Variants in CRACDL observed in about 807,000 individuals in gnomAD.
CRACDL encodes the protein CRACD-like protein.
In CRACDL, 26 loss-of-function variants were observed where a neutral mutation model predicts 70.6. That is an observed-to-expected ratio of 0.37 (90% CI 0.27 to 0.51). CRACDL has a LOEUF of 0.51. Ranked by LOEUF, CRACDL falls within the 20% of genes least tolerant of loss-of-function variation. The pLI, the probability that CRACDL is intolerant of heterozygous loss-of-function variation, is 0.94. For synonymous variants in CRACDL, 618 were observed against 615.2 expected (o/e 1.00, Z -0.07); for missense variants, 1,283 against 1,376.9 (o/e 0.93, Z 1.08).
chr2:98,904,973 G>C (rs986925866), intron 1 of CRACDL, among the ~76,000 whole-genome samples: 1 of 151,222 alleles, frequency 6.6e-6, no homozygotes, highest in Admixed American at 6.6e-5. Flanking sequence ...GGGCCCGGCC[G>C]GGCGCGGTGG....
chr2:98,917,979 C>T (rs1708706686), intron 1 of CRACDL, among the ~76,000 whole-genome samples: 1 of 152,126 alleles, frequency 6.6e-6, no homozygotes, highest in Non-Finnish European at 1.5e-5. Context: ...GAATAGTATT[C>T]CACTGTGTAT....
intron 1 of CRACDL, chr2:98,913,109 T>C (rs970109545): frequency 2.0e-5 from 3 of 152,206 alleles, no homozygotes; most frequent in Non-Finnish European, 4.4e-5. Context: ...AGAAGGGAGA[T>C]AATTTGCCTC....
chr2:98,799,402 C>T (rs1703977521), intron 7 of CRACDL, among the ~76,000 whole-genome samples: 1 of 151,944 alleles, frequency 6.6e-6, no homozygotes, highest in African/African-American at 2.4e-5. Context: ...GAAGAGCCTT[C>T]AGCCTCACAC....
At position 98,803,493 on chromosome 2, in the gene CRACDL, TAGA is replaced by T. The variant is rs376354360; in HGVS notation, c.2417-5959_2417-5957del. Reference sequence around the variant, plus strand: ...TTTCATAACATTTCTTTCTTGTTCATAGAAGTACACAAGCATATTGTACAGATT... The same window carrying T: ...TTTCATAACATTTCTTTCTTGTTCATAGTACACAAGCATATTGTACAGATT... On this transcript the variant is annotated intron_variant, in intron 7 of 9. Transcript: ENST00000397899. Among the ~76,000 whole-genome samples the T allele has an allele frequency of 1.0e-3, 155 of 152,338 alleles. 3 individuals are homozygous for T. The East Asian group carries it at 0.024, about 23-fold the overall frequency.
chr2:98,871,862 A>G lies in CRACDL; in HGVS notation c.-10-25052T>C, dbSNP rs1573118449. On this transcript the variant is annotated intron_variant, in intron 1 of 9. Coordinates refer to ENST00000397899, the MANE Select transcript of CRACDL (RefSeq NM_207362.3). ...ACCCACCATACATTGCAATGGGGGG[A>G]AAATCAGCTATGACAGACTGCTAAG... Among the ~76,000 whole-genome samples the G allele has an allele frequency of 2.0e-5, 3 of 152,290 alleles. No individual in the cohort carries two copies. The South Asian group carries it at 6.2e-4, about 32-fold the overall frequency.
intron 1 of CRACDL, among the ~76,000 whole-genome samples, chr2:98,919,378 C>T (rs1023575910): frequency 2.0e-5 from 3 of 152,162 alleles, no homozygotes; most frequent in Non-Finnish European, 2.9e-5. Context: ...ATATCTCTCA[C>T]CCACTATCTC....
intron 1 of CRACDL, among the ~76,000 whole-genome samples, chr2:98,858,868 G>T (rs928812620): frequency 6.6e-6 from 1 of 152,104 alleles, no homozygotes; most frequent in Non-Finnish European, 1.5e-5. Context: ...ATTACTGTAT[G>T]CCAAAAAATT....
At chr2:98,807,550 A>G (rs1704363389) in intron 7 of CRACDL, among the ~76,000 whole-genome samples, 1 of 152,238 alleles carries the variant, frequency 6.6e-6, no homozygotes, top group Non-Finnish European at 1.5e-5. Context: ...GCAGTGCAGC[A>G]TGACACTGTG....
At position 98,891,376 on chromosome 2, in the gene CRACDL, C is replaced by CAAAAAAAAAAAAAAAAAAAAAA. The variant is rs548988640; in HGVS notation, c.-11+44540_-11+44561dup. Among the ~76,000 whole-genome samples the CAAAAAAAAAAAAAAAAAAAAAA allele has an allele frequency of 5.8e-4, 22 of 37,890 alleles. 2 individuals are homozygous for CAAAAAAAAAAAAAAAAAAAAAA. The highest frequency in any genetic ancestry group is 7.7e-4 in the Non-Finnish European group (15 of 19,450). 24.9% of individuals were successfully genotyped at this position (37,890 alleles called of 152,430 possible). A position where few individuals can be genotyped will look rare whatever the true frequency, so the allele number is the denominator to read the frequency against. On this transcript the variant is annotated intron_variant, in intron 1 of 9. Transcript: ENST00000397899. ...TGGGTGACAGAGGGAGACTCCGTCT[C>CAAAAAAAAAAAAAAAAAAAAAA]AAAAAAAAAAAAAAAAAAAAAAAAA... is the stretch of plus-strand genomic sequence containing the variant.
intron 1 of CRACDL, among the ~76,000 whole-genome samples, chr2:98,872,307 G>A (rs996125246): frequency 6.6e-6 from 1 of 152,320 alleles, no homozygotes. Flanking sequence ...GCAGTGAGCT[G>A]AGATCGCACC....
In CRACDL at chr2:98,823,367, G is replaced by A. The variant is rs1705177179; in HGVS notation, c.906C>T (p.Pro302=). ...EPGPPAPLPP[P]GGARARRARL... is the part of the protein sequence containing the mutation. ...GGGCGCGTCTGGCACGGGCCCCTCCGGGTGGCGGCAAGGGCGCCGGTGGCC... is the reference window on the plus strand; with the variant it reads ...GGGCGCGTCTGGCACGGGCCCCTCCAGGTGGCGGCAAGGGCGCCGGTGGCC... Residue 302 remains proline (P), a synonymous_variant, in exon 7 of 10, where the codon CCC becomes CCT. Coordinates refer to ENST00000397899, the MANE Select transcript of CRACDL (RefSeq NM_207362.3). This position sits in a 1 kb window ranked among gnomAD's most constrained non-coding sequence, Gnocchi z 4.0. 3.3e-6 allele frequency: 5 copies of A among 1,529,944 alleles called. No individual in the cohort carries two copies. The highest frequency in any genetic ancestry group is 1.2e-5 in the South Asian group (1 of 83,864). 94.8% of individuals were successfully genotyped at this position (1,529,944 alleles called of 1,614,324 possible). A position where few individuals can be genotyped will look rare whatever the true frequency, so the allele number is the denominator to read the frequency against.
At chr2:98,795,129 G>A (rs1208310778) in intron 9 of CRACDL, among the ~76,000 whole-genome samples, 3 of 133,632 alleles carry the variant, frequency 2.2e-5, no homozygotes, top group African/African-American at 8.4e-5. Context: ...AGGCTGGAGT[G>A]CAGTGGTACA....
At chr2:98,862,103 A>T (rs1706962624) in intron 1 of CRACDL, among the ~76,000 whole-genome samples, 1 of 152,164 alleles carries the variant, frequency 6.6e-6, no homozygotes, top group Non-Finnish European at 1.5e-5. Context: ...TCTCGGAGCC[A>T]GATATCAAAG....
At chr2:98,855,576 G>T (rs1479876018) in intron 1 of CRACDL, among the ~76,000 whole-genome samples, 1 of 152,190 alleles carries the variant, frequency 6.6e-6, no homozygotes, top group African/African-American at 2.4e-5. Flanking sequence ...CAGAATGGTA[G>T]TGTGAAGAAT....
In CRACDL at chr2:98,927,878, C is replaced by A. The variant is rs145747937; in HGVS notation, c.-11+8060G>T. 7.2e-3 allele frequency among the ~76,000 whole-genome samples: 1,094 copies of A among 152,252 alleles called. 13 individuals are homozygous for A. Among genetic ancestry groups the A allele is most frequent in the African/African-American group, 0.025 (1,028 of 41,536 alleles). ...GAAAAGAGGCTCAACTTGTACCATT[C>A]ATTTTGAAAAGGTAGCTCATGGCCA... On this transcript the variant is annotated intron_variant, in intron 1 of 9. Transcript: ENST00000397899.
chr2:98,897,785 A>C (rs1328980802), intron 1 of CRACDL, among the ~76,000 whole-genome samples: 2 of 152,246 alleles, frequency 1.3e-5, no homozygotes, highest in Non-Finnish European at 2.9e-5. Flanking sequence ...TGTACCCAGC[A>C]AACATTTACT....
rs1705141301 is a variant in CRACDL, at chr2:98,822,929, A to G, written c.1344T>C (p.Asp448=). ...EAEPTPPVLP[D]EEKGPPGPAP... ...CCGGCCCTGGGGGCCCCTTCTCCTC[A>G]TCCGGGAGCACGGGCGGCGTCGGCT... Residue 448 remains aspartate (D), a synonymous_variant, in exon 7 of 10, where the codon GAT becomes GAC. Transcript: ENST00000397899. The surrounding 1 kb of genome is among the most constrained non-coding windows in gnomAD (Gnocchi z 4.9). 1 of 1,463,360 alleles carries G rather than the reference A, an allele frequency of 6.8e-7. No homozygotes were observed. The highest frequency in any genetic ancestry group is 2.6e-5 in the Admixed American group (1 of 38,694). 90.6% of individuals were successfully genotyped at this position (1,463,360 alleles called of 1,614,324 possible).
At chr2:98,880,517 C>T (rs1017318308) in intron 1 of CRACDL, among the ~76,000 whole-genome samples, 6 of 152,212 alleles carry the variant, frequency 3.9e-5, no homozygotes, top group East Asian at 1.9e-4. Context: ...ATGGGCACGG[C>T]GGGCAGGTGG....
chr2:98,869,640 CCCAGGG>C (rs1707272564), intron 1 of CRACDL, among the ~76,000 whole-genome samples: 1 of 152,210 alleles, frequency 6.6e-6, no homozygotes, highest in African/African-American at 2.4e-5. Context: ...CACACCCAGG[CCCAGGG>C]CTCTCCTCTC....
Sources: allele counts gnomAD v4.1 joint callset (sites outside exome capture counted in the v4.1 genomes callset), GRCh38; gene constraint gnomAD v4.1.1; non-coding constraint Gnocchi (gnomAD v3.1); transcripts MANE v1.5; gene names NCBI Gene and HGNC (gene_info 2026-07-23, HGNC 2026-07-21).